Variants in ERCC6L2 observed in about 807,000 individuals in gnomAD.
The protein encoded by ERCC6L2 is DNA excision repair protein ERCC-6-like 2.
Under a neutral mutation model 132.0 loss-of-function variants are expected in ERCC6L2, and 77 were observed. The ratio of observed to expected loss-of-function variants is 0.58; its 90% confidence interval spans 0.49 to 0.71. ERCC6L2 has a LOEUF of 0.71. Ranked by LOEUF, ERCC6L2 falls within the 30% of genes least tolerant of loss-of-function variation. ERCC6L2 has a pLI of 0.00. For synonymous variants in ERCC6L2, 583 were observed against 632.4 expected (o/e 0.92, Z 1.17); for missense variants, 1,542 against 1,837.6 (o/e 0.84, Z 2.94).
intron 11 of ERCC6L2, among the ~76,000 whole-genome samples, chr9:95,937,790 T>A (rs931136337): frequency 2.0e-5 from 3 of 151,898 alleles, no homozygotes; most frequent in African/African-American, 7.2e-5. Flanking sequence ...TTCTCTGTTA[T>A]TTTTCTGTGT....
intron 3 of ERCC6L2, among the ~76,000 whole-genome samples, chr9:95,904,725 G>A (rs1254823854): frequency 3.3e-5 from 5 of 152,188 alleles, no homozygotes; most frequent in East Asian, 1.9e-4. Context: ...AAATTGTCAC[G>A]TTAATCTTTG....
downstream of ERCC6L2, chr9:96,020,718 T>A: frequency 2.2e-6 from 1 of 451,684 alleles, no homozygotes; most frequent in South Asian, 1.6e-5. Flanking sequence ...AGGAGAAACA[T>A]GCTTTGCGCT....
downstream of ERCC6L2, chr9:96,020,957 G>A (rs1457383996): frequency 2.2e-6 from 1 of 456,714 alleles, no homozygotes; most frequent in Non-Finnish European, 4.4e-6. Context: ...GGAGCGGGGA[G>A]AGGGCGGAGG....
rs568025103 is a variant in ERCC6L2, at chr9:95,878,377, A to G, written c.46+2293A>G. Among the ~76,000 whole-genome samples, 3 of 152,328 alleles carry G rather than the reference A, an allele frequency of 2.0e-5. No individual in the cohort carries two copies. In the East Asian group the frequency reaches 5.8e-4, roughly 29 times the overall value. On this transcript the variant is annotated intron_variant, in intron 1 of 18. Coordinates refer to ENST00000653738, the MANE Select transcript of ERCC6L2 (RefSeq NM_020207.7). ...GAAAGTGATTCATTTTTGAAGTAGA[A>G]CCAGGATATTCTGATGGATTGGATG...
chr9:95,957,335 C>T (rs1831654988), intron 13 of ERCC6L2, among the ~76,000 whole-genome samples: 1 of 151,552 alleles, frequency 6.6e-6, no homozygotes, highest in Admixed American at 6.6e-5. Context: ...CTATTTTCTT[C>T]ATTCTAAAAA....
chr9:95,929,752 A>G (rs115098328), intron 11 of ERCC6L2, among the ~76,000 whole-genome samples: 26 of 152,328 alleles, frequency 1.7e-4, no homozygotes, highest in African/African-American at 6.0e-4. Flanking sequence ...GCGTCCTTAC[A>G]TACAGAGCAC....
chr9:95,974,301 A>C (rs1018088664), intron 16 of ERCC6L2, among the ~76,000 whole-genome samples: 12 of 152,082 alleles, frequency 7.9e-5, no homozygotes, highest in Admixed American at 5.9e-4. Flanking sequence ...TGCTTTCTTT[A>C]TTTACCAGTT....
chr9:95,972,507 T>C lies in ERCC6L2; in HGVS notation c.2756T>C (p.Ile919Thr), dbSNP rs752494310. 1 of 1,289,956 alleles carries C rather than the reference T, an allele frequency of 7.8e-7. No individual in the cohort carries two copies. The highest frequency in any genetic ancestry group is 1.2e-5 in the South Asian group (1 of 81,006). 79.9% of individuals were successfully genotyped at this position (1,289,956 alleles called of 1,614,324 possible). Residue 919 changes from isoleucine (I) to threonine (T), a missense_variant, in exon 16 of 19, where the codon ATA (isoleucine) becomes ACA (threonine). This residue lies in a region of ERCC6L2 where 945 missense variants were observed against 1,105.2 expected (regional missense o/e 0.86). Transcript: ENST00000653738. Reference sequence around the variant, plus strand: ...ACTGAGAGATTCCCCGACAATAGTATAAGGTTTAAGCCACCCTTGGAAGGA... The same window carrying C: ...ACTGAGAGATTCCCCGACAATAGTACAAGGTTTAAGCCACCCTTGGAAGGA... ...YTTERFPDNS[I>T]RFKPPLEGSE...
chr9:96,036,829 G>C (rs1478168540), intron 19 of ERCC6L2, among the ~76,000 whole-genome samples: 2 of 147,320 alleles, frequency 1.4e-5, no homozygotes, highest in African/African-American at 2.5e-5. Flanking sequence ...TGCAGTGGCG[G>C]GATCTCGGCT....
Position 95,972,335 on chromosome 9 carries a change from A to AT in ERCC6L2, c.2590dup (p.Tyr864LeufsTer2). Reference sequence around the variant, plus strand: ...CATCCTAAATCCAAAAGAAAAGCATATTTTTTATAAAAGTGAGAAGATTTT... The same window carrying AT: ...CATCCTAAATCCAAAAGAAAAGCATATTTTTTTATAAAAGTGAGAAGATTTT... On this transcript the variant is annotated frameshift_variant, in exon 16 of 19. Transcript: ENST00000653738. LOFTEE classifies it high-confidence loss of function. 2 of 1,289,618 alleles carry AT rather than the reference A, an allele frequency of 1.6e-6. No individual in the cohort carries two copies. The highest frequency in any genetic ancestry group is 2.0e-6 in the Non-Finnish European group (2 of 985,294). The allele number at this position is 1,289,618 out of a possible 1,614,324, so 79.9% of individuals were successfully genotyped here.
At chr9:95,958,912 C>T (rs10739783) in intron 13 of ERCC6L2, among the ~76,000 whole-genome samples, 99,154 of 149,736 alleles carry the variant, frequency 0.66, 33,794 homozygotes, top group African/African-American at 0.82. Flanking sequence ...TCCATGCTCA[C>T]GGATAGGAAG....
intron 6 of ERCC6L2, 52 bp from the exon 7 acceptor site, chr9:95,921,120 TTTA>T (rs1829847918): frequency 1.3e-6 from 2 of 1,481,688 alleles, no homozygotes; most frequent in Middle Eastern, 1.8e-4. Context: ...GATTATGATT[TTTA>T]TTATTGTTAT....
At chr9:96,030,496 G>C (rs1834442415) in intron 19 of ERCC6L2, among the ~76,000 whole-genome samples, 1 of 152,052 alleles carries the variant, frequency 6.6e-6, no homozygotes, top group Non-Finnish European at 1.5e-5. Context: ...AGGCGATCTA[G>C]ACTATCCTGG....
At chr9:95,950,492 CTTAA>C (rs1179677466) in intron 12 of ERCC6L2, among the ~76,000 whole-genome samples, 1 of 152,012 alleles carries the variant, frequency 6.6e-6, no homozygotes, top group African/African-American at 2.4e-5. Context: ...CTTCCCTGTT[CTTAA>C]TTATTTCAAA....
At chr9:95,888,276 T>G (rs1827983370) in intron 2 of ERCC6L2, among the ~76,000 whole-genome samples, 1 of 152,182 alleles carries the variant, frequency 6.6e-6, no homozygotes, top group Non-Finnish European at 1.5e-5. Context: ...GCCTCAGATT[T>G]ACTCAGTATG....
At chr9:95,999,992 G>C (rs1451409127) in intron 17 of ERCC6L2, among the ~76,000 whole-genome samples, 1 of 151,404 alleles carries the variant, frequency 6.6e-6, no homozygotes, top group East Asian at 1.9e-4. Context: ...TGGTTCAAGT[G>C]ATTCTCTTGT....
Position 96,017,131 on chromosome 9 carries a change from C to T in ERCC6L2, c.*3928C>T, listed in dbSNP as rs1373780921. Among the ~76,000 whole-genome samples the T allele has an allele frequency of 6.6e-6, 1 of 152,158 alleles. No homozygotes were observed. Among genetic ancestry groups the T allele is most frequent in the Non-Finnish European group, 1.5e-5 (1 of 68,024 alleles). On this transcript the variant is annotated 3_prime_UTR_variant, in exon 19 of 19. Transcript: ENST00000653738. ...ACAGACTTGTTTCTGGTTTCATCTTCCACCAGAGATTGCAAAGCATCCTCT... is the reference window on the plus strand; with the variant it reads ...ACAGACTTGTTTCTGGTTTCATCTTTCACCAGAGATTGCAAAGCATCCTCT...
At chr9:96,036,773 A>T (rs10819734) in intron 19 of ERCC6L2, among the ~76,000 whole-genome samples, 43,694 of 121,660 alleles carry the variant, frequency 0.36, 6,833 homozygotes, top group East Asian at 0.49. Flanking sequence ...ATTTTTATTT[A>T]TTTTTTTTTT....
intron 19 of ERCC6L2, among the ~76,000 whole-genome samples, chr9:96,024,509 C>T (rs1342017765): frequency 2.0e-5 from 3 of 152,232 alleles, no homozygotes; most frequent in Non-Finnish European, 2.9e-5. Flanking sequence ...CCTCGGACCT[C>T]TCCAGCGGTC....
Sources: allele counts gnomAD v4.1 joint callset (sites outside exome capture counted in the v4.1 genomes callset), GRCh38; gene constraint gnomAD v4.1.1; regional missense constraint gnomAD v4.1.1; transcripts MANE v1.5; gene names NCBI Gene and HGNC (gene_info 2026-07-23, HGNC 2026-07-21).